USP18: variants seen among roughly 807,000 people sequenced by gnomAD.
USP18 encodes ubl carboxyl-terminal hydrolase 18.
Under a neutral mutation model 48.7 loss-of-function variants are expected in USP18, and 11 were observed. The ratio of observed to expected loss-of-function variants is 0.23; its 90% CI spans 0.14 to 0.37. The LOEUF is 0.37. Ranked by LOEUF, USP18 falls within the 10% of genes least tolerant of loss-of-function variation. The pLI, the probability that USP18 is intolerant of heterozygous loss-of-function variation, is 1.00. For missense variants in USP18, 285 were observed against 436.4 expected (o/e 0.65, Z 3.09); for synonymous variants, 114 against 163.2 (o/e 0.70, Z 2.30).
chr22:18,160,112 C>G (rs1929287000), intron 2 of USP18, 60 bp from the exon 3 acceptor site: 3 of 1,532,328 alleles, frequency 2.0e-6, no homozygotes, highest in South Asian at 1.1e-5. Flanking sequence ...CCATGCCCAG[C>G]CTTGTCAACT....
intron 1 of USP18, among the ~76,000 whole-genome samples, chr22:18,155,879 G>A (rs1223071664): frequency 3.3e-5 from 5 of 152,250 alleles, no homozygotes; most frequent in Non-Finnish European, 5.9e-5. Flanking sequence ...GCGGGCGCAC[G>A]GCGCGGGACT....
chr22:18,159,436 T>C (rs557596344), intron 2 of USP18, among the ~76,000 whole-genome samples: 1 of 152,254 alleles, frequency 6.6e-6, no homozygotes, highest in South Asian at 2.1e-4. Context: ...ACTTCGTACT[T>C]GAGAGACTTT....
chr22:18,165,686 C>T (rs1418267571), intron 4 of USP18, among the ~76,000 whole-genome samples: 1 of 151,930 alleles, frequency 6.6e-6, no homozygotes, highest in African/African-American at 2.4e-5. Flanking sequence ...TGAGACTTGG[C>T]AGTAGATTTG....
At chr22:18,174,979 T>A (rs914727869) in intron 10 of USP18, among the ~76,000 whole-genome samples, 25 of 152,166 alleles carry the variant, frequency 1.6e-4, no homozygotes, top group Admixed American at 1.4e-3. Flanking sequence ...AGTAGCAGGA[T>A]CTCAGCTCAT....
chr22:18,173,914 A>G, intron 10 of USP18, 72 bp downstream of exon 10: 2 of 1,496,142 alleles, frequency 1.3e-6, no homozygotes, highest in East Asian at 2.4e-5. Flanking sequence ...TGAAACGCCC[A>G]TGGATTCCCC....
chr22:18,173,373 G>C (rs1472447957), intron 9 of USP18, 92 bp downstream of exon 9: 2 of 1,554,190 alleles, frequency 1.3e-6, no homozygotes, highest in Non-Finnish European at 1.7e-6. Context: ...CTGAGATCAA[G>C]ACACACTGTG....
intron 2 of USP18, among the ~76,000 whole-genome samples, chr22:18,159,482 C>T (rs914407522): frequency 6.7e-6 from 1 of 150,362 alleles, no homozygotes; most frequent in African/African-American, 2.5e-5. Flanking sequence ...TTAAGAAAAA[C>T]ATTAGATTTT....
Position 18,157,574 on chromosome 22 carries a change from G to A in USP18, c.-90G>A. 6.5e-7 allele frequency: 1 copy of A among 1,540,186 alleles called. No homozygotes were observed. Among genetic ancestry groups the A allele is most frequent in the Non-Finnish European group, 8.8e-7 (1 of 1,130,320 alleles). On this transcript the variant is annotated 5_prime_UTR_variant, in exon 2 of 11. The change creates a premature stop within an existing upstream ORF in the 5' untranslated region. Coordinates refer to ENST00000215794, the MANE Select transcript of USP18 (RefSeq NM_017414.4). ...TTTTCACAGAGATTCCATCGTGCCT[G>A]GCTCACATAAGCGCTTCCTGGAAGT...
intron 4 of USP18, among the ~76,000 whole-genome samples, 188 bp from the exon 5 acceptor site, chr22:18,167,067 C>T (rs1325765932): frequency 6.6e-6 from 1 of 152,148 alleles, no homozygotes; most frequent in Non-Finnish European, 1.5e-5. Flanking sequence ...GAGGCGTTCT[C>T]AAAAATCAAT....
intron 3 of USP18, 73 bp downstream of exon 3, chr22:18,160,341 T>A: frequency 6.4e-7 from 1 of 1,574,444 alleles, no homozygotes; most frequent in South Asian, 1.1e-5. Flanking sequence ...AGTCTTGCTC[T>A]GTTGCCCAGG....
chr22:18,169,656 G>T (rs1041897150), intron 6 of USP18, among the ~76,000 whole-genome samples, 188 bp from the exon 7 acceptor site: 2 of 152,146 alleles, frequency 1.3e-5, no homozygotes, highest in African/African-American at 4.8e-5. Context: ...AGCTTCCTGC[G>T]GCCTCCCTAG....
At chr22:18,168,889 T>C (rs976895321) in intron 6 of USP18, among the ~76,000 whole-genome samples, 2 of 152,186 alleles carry the variant, frequency 1.3e-5, no homozygotes, top group African/African-American at 4.8e-5. Flanking sequence ...TCTCCTTTGT[T>C]TGGCAAAAAT....
At chr22:18,167,401 T>G in intron 5 of USP18, 67 bp downstream of exon 5, 3 of 1,576,520 alleles carry the variant, frequency 1.9e-6, no homozygotes, top group Non-Finnish European at 2.6e-6. Flanking sequence ...TCAGCTGTTG[T>G]TCCCGTAGTG....
chr22:18,163,604 C>T (rs1268791244), intron 4 of USP18, among the ~76,000 whole-genome samples: 1 of 150,822 alleles, frequency 6.6e-6, no homozygotes, highest in Non-Finnish European at 1.5e-5. Context: ...GATTGCGCCA[C>T]TGCACTCCAG....
In USP18 at chr22:18,171,319, C is replaced by T. The variant is rs982314556; in HGVS notation, c.891+399C>T. 6.1e-4 allele frequency among the ~76,000 whole-genome samples: 55 copies of T among 90,304 alleles called. 3 individuals are homozygous for T. The highest frequency in any genetic ancestry group is 1.3e-4 in the Non-Finnish European group (6 of 47,226). 59.2% of individuals were successfully genotyped at this position (90,304 alleles called of 152,430 possible). A position where few individuals can be genotyped will look rare whatever the true frequency, so the allele number is the denominator to read the frequency against. ...CACTTGTCCTGAGATAATAACTTAT[C>T]AAGAGATTCTGAGAAAAAAAGAGAC... On this transcript the variant is annotated intron_variant, in intron 8 of 10. Coordinates refer to ENST00000215794, the MANE Select transcript of USP18 (RefSeq NM_017414.4).
chr22:18,160,612 C>A (rs1418887365), intron 3 of USP18, among the ~76,000 whole-genome samples: 1 of 151,988 alleles, frequency 6.6e-6, no homozygotes, highest in Non-Finnish European at 1.5e-5. Flanking sequence ...TGTATTATTT[C>A]ATTTTTAATA....
intron 10 of USP18, among the ~76,000 whole-genome samples, chr22:18,174,544 TA>T (rs1316140870): frequency 2.6e-5 from 4 of 152,146 alleles, no homozygotes; most frequent in African/African-American, 9.7e-5. Flanking sequence ...TATATGCTTT[TA>T]TTGCATTTGA....
chr22:18,169,996 C>T (rs1328464206), intron 7 of USP18, 57 bp downstream of exon 7: 1 of 1,532,372 alleles, frequency 6.5e-7, no homozygotes, highest in Non-Finnish European at 8.8e-7. Flanking sequence ...GGGATTTGTT[C>T]CAGGACCCCT....
chr22:18,157,530 C>A, intron 1 of USP18, 28 bp from the exon 2 acceptor site: 1 of 1,177,460 alleles, frequency 8.5e-7, no homozygotes. Context: ...TTCTCTAATT[C>A]TTGCCTACCC....
Sources: gnomAD v4.1 joint callset for allele counts (sites outside exome capture counted in the v4.1 genomes callset) on GRCh38, gnomAD v4.1.1 for gene constraint, MANE v1.5 for transcripts, NCBI Gene and HGNC (gene_info 2026-07-23, HGNC 2026-07-21) for gene names.